Variants in MYOM3 observed in about 807,000 individuals in gnomAD.
MYOM3 encodes myomesin-3.
In MYOM3, 155 loss-of-function variants were observed where a neutral mutation model predicts 191.7. The observed-to-expected ratio is 0.81, with a 90% confidence interval of 0.71 to 0.92. The LOEUF (loss-of-function observed/expected upper bound fraction) is 0.92, where lower values mean the gene tolerates loss of function less well. Ranked by LOEUF, MYOM3 falls within the 40% of genes least tolerant of loss-of-function variation. The probability of loss-of-function intolerance (pLI) is 0.00; values close to 1 mark genes in which losing one functional copy is unlikely to be tolerated. For synonymous variants in MYOM3, 757 were observed against 762.9 expected (o/e 0.99, Z 0.13); for missense variants, 1,889 against 1,890.6 (o/e 1.00, Z 0.02).
intron 36 of MYOM3, 132 bp from the exon 37 acceptor site, chr1:24,057,759 A>G: frequency 1.5e-6 from 1 of 680,336 alleles, no homozygotes; most frequent in Non-Finnish European, 2.5e-6. Flanking sequence ...TTTTATTATA[A>G]TTTATAAAGG....
chr1:24,076,507 CTTTT>C (rs558326490), intron 20 of MYOM3, among the ~76,000 whole-genome samples: 1 of 49,108 alleles, frequency 2.0e-5, no homozygotes, highest in African/African-American at 7.1e-5. Flanking sequence ...CCTAATGTTT[CTTTT>C]TTTTTTTTTT....
chr1:24,067,822 G>T, intron 27 of MYOM3, 148 bp downstream of exon 27: 1 of 794,336 alleles, frequency 1.3e-6, no homozygotes, highest in Non-Finnish European at 2.1e-6. Flanking sequence ...GAGCTATTTT[G>T]ATCTGGCACT....
chr1:24,059,635 C>T (rs11249061), intron 35 of MYOM3, among the ~76,000 whole-genome samples: 39,175 of 152,142 alleles, frequency 0.26, 5,330 homozygotes, highest in South Asian at 0.45. Flanking sequence ...GCAAAATCCA[C>T]ACAACGGGTG....
At position 24,088,596 on chromosome 1, in the gene MYOM3, C is replaced by T. The variant is rs186406338; in HGVS notation, c.1614+942G>A. ...TCAATTATCTACAGCTTTCCTATGT[C>T]GGAGAAAAAGGATTACCCATGAGTG... On this transcript the variant is annotated intron_variant, in intron 14 of 36. Transcript: ENST00000374434. Among the ~76,000 whole-genome samples the T allele has an allele frequency of 1.1e-3, 166 of 152,208 alleles. 1 individual carries two copies. The highest frequency in any genetic ancestry group is 3.5e-3 in the African/African-American group (147 of 41,494).
chr1:24,072,495 A>G lies in MYOM3; in HGVS notation c.2969-482T>C, dbSNP rs550772626. 7.9e-5 allele frequency among the ~76,000 whole-genome samples: 12 copies of G among 152,070 alleles called. No homozygotes were observed. In the East Asian group the frequency reaches 2.3e-3, roughly 29 times the overall value. On this transcript the variant is annotated intron_variant, in intron 23 of 36. Transcript: ENST00000374434. ...CAGCCCAGAAGTCTCAGACTGTTCTAGAATGCTGTCTCATTTGCTGACCGT... is the reference window on the plus strand; with the variant it reads ...CAGCCCAGAAGTCTCAGACTGTTCTGGAATGCTGTCTCATTTGCTGACCGT...
intron 36 of MYOM3, among the ~76,000 whole-genome samples, chr1:24,058,304 C>T (rs908170865): frequency 6.6e-6 from 1 of 152,148 alleles, no homozygotes; most frequent in African/African-American, 2.4e-5. Flanking sequence ...AATTACTGAA[C>T]AAGCTCTAAT....
At chr1:24,089,762 C>T in intron 13 of MYOM3, 97 bp from the exon 14 acceptor site, 1 of 1,395,084 alleles carries the variant, frequency 7.2e-7, no homozygotes, top group East Asian at 2.5e-5. Context: ...ACACCCCTAC[C>T]CATCCCCCAG....
At position 24,106,071 on chromosome 1, in the gene MYOM3, C is replaced by T; in HGVS notation, c.409G>A (p.Glu137Lys). The T allele has an allele frequency of 6.2e-7, 1 of 1,611,114 alleles. No homozygotes were observed. The highest frequency in any genetic ancestry group is 8.5e-7 in the Non-Finnish European group (1 of 1,179,056). The change falls in exon 5 of 37, where the codon GAG becomes AAG. Residue 137 changes from glutamate (E) to lysine (K), a missense_variant. Coordinates refer to ENST00000374434, the MANE Select transcript of MYOM3 (RefSeq NM_152372.4). ...DWKTLRRRTE[E>K]KVQEAKELRE... ...AGCTCCTTGGCCTCCTGGACCTTCT[C>T]CTCTGTCTGGAGGCGGGAAGAGGTG...
At position 24,067,985 on chromosome 1, in the gene MYOM3, A is replaced by T. The variant is rs776120538; in HGVS notation, c.3340T>A (p.Trp1114Arg). The T allele has an allele frequency of 6.2e-7, 1 of 1,614,210 alleles. No individual in the cohort carries two copies. The highest frequency in any genetic ancestry group is 1.1e-5 in the South Asian group (1 of 91,088). Reference protein sequence around the residue: ...LRKADAKRRDWKRKQGPYFER... With the variant: ...LRKADAKRRDRKRKQGPYFER... ...CAGCTCTTACCCTGTTTTCTCTTCCAGTCCCTTCTCTTAGCATCTGCCTTC... is the reference window on the plus strand; with the variant it reads ...CAGCTCTTACCCTGTTTTCTCTTCCTGTCCCTTCTCTTAGCATCTGCCTTC... The change falls in exon 27 of 37, where the codon TGG becomes AGG. Residue 1114 changes from tryptophan (W) to arginine (R), a missense_variant. Transcript: ENST00000374434.
Position 24,062,003 on chromosome 1 carries a change from G to A in MYOM3, c.3877C>T (p.Leu1293=), listed in dbSNP as rs749670767. The part of the protein sequence containing the change: ...PKDSDKGKYT[L]EIAAGKEVRQ... ...ACTTCCTTCCCTGCAGCTATTTCCA[G>A]AGTGTATTTGCCCTTGTCTGAGTCT... The change falls in exon 33 of 37, where the codon CTG becomes TTG. Residue 1293 remains leucine, a synonymous_variant. Transcript: ENST00000374434. 91 of 1,614,108 alleles carry A rather than the reference G, an allele frequency of 5.6e-5. No individual in the cohort carries two copies. Among genetic ancestry groups the A allele is most frequent in the Non-Finnish European group, 7.4e-5 (87 of 1,180,052 alleles).
At chr1:24,084,416 G>T in intron 16 of MYOM3, 52 bp downstream of exon 16, 1 of 1,578,778 alleles carries the variant, frequency 6.3e-7, no homozygotes, top group Non-Finnish European at 8.7e-7. Context: ...CCAGTCTCAG[G>T]TATGTCTTTA....
rs745378869 is a variant in MYOM3 at position 24,061,049 on chromosome 1, G to A, written c.3994+11C>T. The stretch of plus-strand genomic sequence containing the variant: ...CAGAAACAAAAACAACAGAAATATC[G>A]GCCGACTTACTCTTCTCGATGATGG... On this transcript the variant is annotated intron_variant, in intron 35 of 36. Coordinates refer to ENST00000374434, the MANE Select transcript of MYOM3 (RefSeq NM_152372.4). 1.5e-5 allele frequency: 25 copies of A among 1,613,686 alleles called. 1 individual carries two copies. The highest frequency in any genetic ancestry group is 6.7e-5 in the African/African-American group (5 of 74,808).
intron 1 of MYOM3, among the ~76,000 whole-genome samples, chr1:24,108,878 C>G (rs1333632883): frequency 2.0e-5 from 3 of 152,196 alleles, no homozygotes; most frequent in African/African-American, 7.2e-5. Context: ...CCATGTGCTC[C>G]CCAGCTGAGT....
rs1372923539 is a variant in MYOM3 at position 24,080,068 on chromosome 1, G to C, written c.2534C>G (p.Ser845Cys). The C allele has an allele frequency of 6.2e-7, 1 of 1,613,978 alleles. No individual in the cohort carries two copies. The highest frequency in any genetic ancestry group is 2.2e-5 in the East Asian group (1 of 44,892). Residue 845 changes from serine (S) to cysteine (C), a missense_variant, in exon 20 of 37, where the codon TCT (serine) becomes TGT (cysteine). Coordinates refer to ENST00000374434, the MANE Select transcript of MYOM3 (RefSeq NM_152372.4). ...GYHVSFQEEG[S>C]EQWKPVTPGP... ...TGGGGTGACCGGCTTCCACTGCTCA[G>C]AGCCTTCCTCCTGGAAACTGACGTG...
chr1:24,103,258 C>T (rs1643953796), intron 5 of MYOM3, among the ~76,000 whole-genome samples: 1 of 152,256 alleles, frequency 6.6e-6, no homozygotes, highest in Admixed American at 6.5e-5. Flanking sequence ...GAGCAGTCCT[C>T]CTAGTGGGAT....
chr1:24,086,579 G>T, intron 15 of MYOM3, 65 bp downstream of exon 15: 2 of 1,526,720 alleles, frequency 1.3e-6, no homozygotes, highest in Non-Finnish European at 1.8e-6. Flanking sequence ...CTTTGTCCCT[G>T]CAGCTTCAGG....
intron 15 of MYOM3, among the ~76,000 whole-genome samples, chr1:24,086,264 A>C (rs1042969375): frequency 6.6e-6 from 1 of 152,142 alleles, no homozygotes; most frequent in Non-Finnish European, 1.5e-5. Flanking sequence ...CAGGTGGGAC[A>C]GCTCAACCCC....
Position 24,099,891 on chromosome 1 carries a change from G to A in MYOM3, c.561-116C>T, listed in dbSNP as rs554314875. 1.5e-4 allele frequency: 115 copies of A among 765,420 alleles called. No homozygotes were observed. The African/African-American group carries it at 1.9e-3, about 12-fold the overall frequency. 47.4% of individuals were successfully genotyped at this position (765,420 alleles called of 1,614,324 possible). On this transcript the variant is annotated intron_variant, in intron 5 of 36. Transcript: ENST00000374434. ...TTGTTTTGTTTTGTTTTTTTGAGAC[G>A]GAGTTTTGCTTTGTCACCCAGGCTG...
At chr1:24,058,204 T>G (rs374892751) in intron 36 of MYOM3, among the ~76,000 whole-genome samples, 22 of 152,364 alleles carry the variant, frequency 1.4e-4, no homozygotes, top group Admixed American at 7.8e-4. Context: ...CTTTGTTTTA[T>G]TGCTTTTTGT....
Sources: gnomAD v4.1 joint callset for allele counts (sites outside exome capture counted in the v4.1 genomes callset) on GRCh38, gnomAD v4.1.1 for gene constraint, MANE v1.5 for transcripts, NCBI Gene and HGNC (gene_info 2026-07-23, HGNC 2026-07-21) for gene names.